GK: variants seen among roughly 807,000 people sequenced by gnomAD.
The protein encoded by GK is glycerol kinase.
Under a neutral mutation model 56.4 loss-of-function variants are expected in GK, and 9 were observed. The observed-to-expected ratio is 0.16, with a 90% CI of 0.10 to 0.28. The LOEUF (loss-of-function observed/expected upper bound fraction) is 0.28. GK is among the 10% of genes least tolerant of loss of function. The pLI is 1.00. For missense variants in GK, 161 were observed against 431.4 expected, an observed-to-expected ratio of 0.37 and a Z score of 5.55; for synonymous variants, 104 against 144.1, an observed-to-expected ratio of 0.72 and a Z score of 1.99.
chrX:30,678,914 G>A (rs1209701582), intron 4 of GK, among the ~76,000 whole-genome samples: 38 of 101,008 alleles, frequency 3.8e-4, no homozygotes, highest in African/African-American at 1.4e-3. Flanking sequence ...TGGCCAGGCT[G>A]GTCTTGAACT....
chrX:30,662,712 T>C (rs1201587375), intron 1 of GK, among the ~76,000 whole-genome samples: 1 of 97,722 alleles, frequency 1.0e-5, no homozygotes, highest in African/African-American at 4.1e-5. Flanking sequence ...TTTCTCTTTT[T>C]CTTTCTTTCT....
chrX:30,685,484 G>A (rs1934549455), intron 4 of GK, among the ~76,000 whole-genome samples: 1 of 111,474 alleles, frequency 9.0e-6, no homozygotes, highest in African/African-American at 3.3e-5. Flanking sequence ...TTTCACTTTT[G>A]TAAAATCTAG....
chrX:30,716,707 A>C (rs1026117287), intron 13 of GK, among the ~76,000 whole-genome samples: 1 of 112,115 alleles, frequency 8.9e-6, no homozygotes, highest in Non-Finnish European at 1.9e-5. Flanking sequence ...TCTTTAAACC[A>C]AAATTTTACT....
chrX:30,715,994 A>T (rs747262057), intron 13 of GK, among the ~76,000 whole-genome samples: 4 of 111,812 alleles, frequency 3.6e-5, no homozygotes, highest in Non-Finnish European at 7.5e-5. Context: ...CTGATTCTCA[A>T]CTAATTACCT....
chrX:30,716,816 C>T (rs1388937534), intron 13 of GK, among the ~76,000 whole-genome samples: 1 of 111,726 alleles, frequency 9.0e-6, no homozygotes, highest in African/African-American at 3.3e-5. Context: ...GTGTTAGAGT[C>T]CCTTGTAAGG....
intron 1 of GK, among the ~76,000 whole-genome samples, chrX:30,655,688 C>T (rs1392317678): frequency 8.9e-6 from 1 of 112,117 alleles, no homozygotes; most frequent in Non-Finnish European, 1.9e-5. Context: ...TTGAACTGTC[C>T]ATGCCTTCTT....
At position 30,671,101 on chromosome X, in the gene GK, C is replaced by A. The variant is rs1221683337; in HGVS notation, c.259+2983C>A. ...GGTCAGGAGTTCGAGACCAGCCTGGCCAACATGGTGAAACCCTGTCTCTAC... is the reference window on the plus strand; with the variant it reads ...GGTCAGGAGTTCGAGACCAGCCTGGACAACATGGTGAAACCCTGTCTCTAC... On this transcript the variant is annotated intron_variant, in intron 3 of 20. Coordinates refer to ENST00000427190, the MANE Select transcript of GK (RefSeq NM_001205019.2). Among the ~76,000 whole-genome samples the A allele has an allele frequency of 2.8e-5, 3 of 108,791 alleles. No homozygotes were observed. The Admixed American group carries it at 3.0e-4, about 11-fold the overall frequency. The allele number at this position is 108,791 out of a possible 115,157, so 94.5% of individuals were successfully genotyped here.
chrX:30,695,949 G>C, intron 6 of GK, 93 bp from the exon 7 acceptor site: 1 of 543,458 alleles, frequency 1.8e-6, no homozygotes, highest in East Asian at 3.6e-5. Context: ...CCGTTCTTTT[G>C]CTTTATGTGC....
rs146018551 is a variant in GK at position 30,705,341 on chromosome X, T to G, written c.852-2215T>G. ...TTTTTCTTTCAGCTTAGCTGTATTT[T>G]CCAATTTTTCTAGAATGTAAAAATT... On this transcript the variant is annotated intron_variant, in intron 11 of 20. Transcript: ENST00000427190. Among the ~76,000 whole-genome samples the G allele has an allele frequency of 3.3e-3, 376 of 112,973 alleles. 3 individuals are homozygous for G. Among genetic ancestry groups the G allele is most frequent in the African/African-American group, 0.011 (354 of 31,135 alleles).
chrX:30,661,082 G>T (rs1272388582), intron 1 of GK, among the ~76,000 whole-genome samples: 2 of 110,727 alleles, frequency 1.8e-5, no homozygotes, highest in Non-Finnish European at 3.8e-5. Flanking sequence ...AAAGTGCTGG[G>T]ATTATAGGCA....
intron 19 of GK, among the ~76,000 whole-genome samples, chrX:30,726,082 C>A (rs1489803631): frequency 1.8e-5 from 2 of 111,289 alleles, no homozygotes; most frequent in Admixed American, 1.9e-4. Flanking sequence ...ATCAACTGAT[C>A]ATTTTTCCCT....
intron 4 of GK, among the ~76,000 whole-genome samples, chrX:30,678,852 A>ATTTTTTT (rs58342528): frequency 1.3e-5 from 1 of 77,183 alleles, no homozygotes; most frequent in Admixed American, 1.6e-4. Flanking sequence ...ATGCCCAGCT[A>ATTTTTTT]TTTTTTTTTT....
intron 13 of GK, 139 bp from the exon 14 acceptor site, chrX:30,718,399 C>A: frequency 2.0e-6 from 1 of 493,379 alleles, no homozygotes; most frequent in Admixed American, 3.0e-5. Flanking sequence ...TATTAGAAGA[C>A]CTAGTTTACA....
At chrX:30,655,328 A>C (rs1310964136) in intron 1 of GK, among the ~76,000 whole-genome samples, 3 of 112,276 alleles carry the variant, frequency 2.7e-5, no homozygotes, top group African/African-American at 9.7e-5. Flanking sequence ...GTGCCAACTA[A>C]CTGTGGGTTG....
Position 30,696,069 on chromosome X carries a change from G to A in GK, c.580G>A (p.Val194Ile), listed in dbSNP as rs1211142576. 7.0e-6 allele frequency: 8 copies of A among 1,139,876 alleles called. No homozygotes were observed. Among genetic ancestry groups the A allele is most frequent in the Middle Eastern group, 5.9e-4 (2 of 3,374 alleles). 93.9% of individuals were successfully genotyped at this position (1,139,876 alleles called of 1,213,427 possible). A position where few individuals can be genotyped will look rare whatever the true frequency, so the allele number is the denominator to read the frequency against. ...TTTGACAGGAGGAGTCAATGGAGGT[G>A]TCCACTGTACAGATGTAACAAATGC... ...WSLTGGVNGG[V>I]HCTDVTNASR... The change falls in exon 7 of 21, where the codon GTC (valine) becomes ATC (isoleucine). Residue 194 changes from valine to isoleucine, a missense_variant. By Grantham distance (29) the Val-to-Ile change is conservative. Coordinates refer to ENST00000427190, the MANE Select transcript of GK (RefSeq NM_001205019.2).
intron 4 of GK, among the ~76,000 whole-genome samples, chrX:30,685,617 C>T (rs1213780503): frequency 8.9e-6 from 1 of 112,102 alleles, no homozygotes; most frequent in African/African-American, 3.2e-5. Flanking sequence ...ATTTATTTTG[C>T]AGTGATTGAA....
intron 4 of GK, among the ~76,000 whole-genome samples, chrX:30,681,476 T>C (rs1226165280): frequency 9.0e-6 from 1 of 111,427 alleles, no homozygotes; most frequent in Non-Finnish European, 1.9e-5. Flanking sequence ...TGGGAAAAGG[T>C]GAAGAAGTTT....
intron 4 of GK, among the ~76,000 whole-genome samples, chrX:30,683,613 T>C (rs1480298707): frequency 8.9e-6 from 1 of 112,145 alleles, no homozygotes; most frequent in Admixed American, 9.5e-5. Context: ...TGTGTTTGTT[T>C]ATTGACATCT....
intron 4 of GK, among the ~76,000 whole-genome samples, chrX:30,688,607 C>T (rs753057415): frequency 2.7e-5 from 3 of 110,486 alleles, no homozygotes; most frequent in African/African-American, 9.9e-5. Context: ...AGTACAGAGG[C>T]TCAGAGCTCA....
Sources: gnomAD v4.1 joint callset for allele counts (sites outside exome capture counted in the v4.1 genomes callset) on GRCh38, gnomAD v4.1.1 for gene constraint, MANE v1.5 for transcripts, NCBI Gene and HGNC (gene_info 2026-07-23, HGNC 2026-07-21) for gene names.